Variants in COBL observed in about 807,000 individuals in gnomAD.
COBL encodes cordon-bleu WH2 repeat protein, also known as protein cordon-bleu.
Under a neutral mutation model 98.8 loss-of-function variants are expected in COBL, and 51 were observed. That is an observed-to-expected ratio of 0.52 (90% confidence interval 0.41 to 0.65). The LOEUF (loss-of-function observed/expected upper bound fraction) is 0.65, where lower values mean the gene tolerates loss of function less well. Among genes scored for constraint, COBL ranks in the 30% least tolerant of loss-of-function variants. The pLI, the probability that COBL is intolerant of heterozygous loss-of-function variation, is 0.00. For synonymous variants in COBL, 634 were observed against 651.7 expected, an observed-to-expected ratio of 0.97 and a Z score of 0.41; for missense variants, 1,617 against 1,617.5, an observed-to-expected ratio of 1.00 and a Z score of 0.01.
At position 51,149,302 on chromosome 7, in the gene COBL, T is replaced by C. The variant is rs115983648; in HGVS notation, c.784-12971A>G. ...GGACAGGAACTGGCGTCTGTGGTGC[T>C]TTCCCCACCTGTGGTCAAAGACAGG... On this transcript the variant is annotated intron_variant, in intron 5 of 12. Transcript: ENST00000265136. Among the ~76,000 whole-genome samples the C allele has an allele frequency of 7.9e-3, 1,206 of 152,232 alleles. 14 individuals are homozygous for C. Among genetic ancestry groups the C allele is most frequent in the African/African-American group, 0.028 (1,173 of 41,532 alleles).
At chr7:51,193,067 TCATATAAGAAAGTACAGAATTAAA>T (rs1456676267) in intron 3 of COBL, among the ~76,000 whole-genome samples, 2 of 152,202 alleles carry the variant, frequency 1.3e-5, no homozygotes, top group African/African-American at 4.8e-5. Flanking sequence ...CCAGTGGCTA[TCATATAAGAAAGTACAGAATTAAA>T]GACCATGCCC....
intron 1 of COBL, among the ~76,000 whole-genome samples, chr7:51,230,627 C>T (rs2129103774): frequency 6.6e-6 from 1 of 152,314 alleles, no homozygotes; most frequent in East Asian, 1.9e-4. Context: ...TTCTTGAGTC[C>T]CATTTCCACA....
chr7:51,303,879 G>T (rs1802225544), intron 1 of COBL, among the ~76,000 whole-genome samples: 1 of 152,134 alleles, frequency 6.6e-6, no homozygotes, highest in Non-Finnish European at 1.5e-5. Context: ...TTCTCTGAGT[G>T]GTCTGCAGAG....
At chr7:51,054,243 T>C (rs1023485047) in intron 7 of COBL, among the ~76,000 whole-genome samples, 1 of 152,216 alleles carries the variant, frequency 6.6e-6, no homozygotes, top group African/African-American at 2.4e-5. Flanking sequence ...TCGCTTTTTT[T>C]TTCTTTTCAC....
intron 7 of COBL, among the ~76,000 whole-genome samples, chr7:51,052,572 A>T (rs1790347979): frequency 6.6e-6 from 1 of 152,188 alleles, no homozygotes; most frequent in South Asian, 2.1e-4. Context: ...CTGGTGTCTT[A>T]GTTTTCATTG....
chr7:51,232,488 GC>G (rs1178728096), intron 1 of COBL, among the ~76,000 whole-genome samples: 1 of 152,054 alleles, frequency 6.6e-6, no homozygotes, highest in Non-Finnish European at 1.5e-5. Context: ...TTGAGATTCA[GC>G]CAGCAGGGGG....
At chr7:51,305,511 C>T (rs1180520688) in intron 1 of COBL, among the ~76,000 whole-genome samples, 2 of 152,164 alleles carry the variant, frequency 1.3e-5, no homozygotes, top group African/African-American at 4.8e-5. Context: ...CAACTTGGTG[C>T]ATGTCATTTA....
At chr7:51,030,950 C>T in intron 8 of COBL, 41 bp from the exon 9 acceptor site, 1 of 1,300,628 alleles carries the variant, frequency 7.7e-7, no homozygotes, top group Non-Finnish European at 1.1e-6. Flanking sequence ...ATTTCTCTTA[C>T]TATTGATTTA....
At chr7:51,070,519 C>A (rs1156770029) in intron 7 of COBL, among the ~76,000 whole-genome samples, 2 of 151,984 alleles carry the variant, frequency 1.3e-5, no homozygotes, top group East Asian at 3.9e-4. Flanking sequence ...CTCAAGACAT[C>A]TTGAATACTT....
At chr7:51,190,108 G>C (rs914034329) in intron 4 of COBL, among the ~76,000 whole-genome samples, 1 of 152,216 alleles carries the variant, frequency 6.6e-6, no homozygotes, top group East Asian at 1.9e-4. Flanking sequence ...TAATTGTTCA[G>C]TTTTAGAGAA....
chr7:51,026,642 G>GCCCTC lies in COBL; in HGVS notation c.3403_3407dup (p.Pro1138AlafsTer31). ...CCGTGTAGGACAGTTTCGCTGGCCT[G>GCCCTC]CCCTCCCCGGTGTGTTCTGCCGTCT... is the stretch of plus-strand genomic sequence containing the variant. On this transcript the variant is annotated frameshift_variant, in exon 11 of 13. Transcript: ENST00000265136. LOFTEE classifies it high-confidence loss of function. 1 of 1,614,002 alleles carries GCCCTC rather than the reference G, an allele frequency of 6.2e-7. No individual in the cohort carries two copies. Among genetic ancestry groups the GCCCTC allele is most frequent in the Non-Finnish European group, 8.5e-7 (1 of 1,180,006 alleles).
chr7:51,017,276 C>G lies in COBL; in HGVS notation c.*275G>C. 3.4e-6 allele frequency: 2 copies of G among 584,018 alleles called. No individual in the cohort carries two copies. The highest frequency in any genetic ancestry group is 6.1e-5 in the Admixed American group (2 of 32,624). The allele number at this position is 584,018 out of a possible 1,614,324, so 36.2% of individuals were successfully genotyped here. On this transcript the variant is annotated 3_prime_UTR_variant, in exon 13 of 13. Coordinates refer to ENST00000265136, the MANE Select transcript of COBL (RefSeq NM_015198.5). ...AGTGCTGGGCTCCAGCATTTATAGT[C>G]CCATTAACCTGCCAACAAGAATCGT...
At chr7:51,194,866 GTTT>G (rs542967933) in intron 2 of COBL, among the ~76,000 whole-genome samples, 1 of 149,494 alleles carries the variant, frequency 6.7e-6, no homozygotes, top group Non-Finnish European at 1.5e-5. Context: ...AATGGGTTTT[GTTT>G]TTTTTTCTTG....
chr7:51,301,270 C>T (rs1483903646), intron 1 of COBL, among the ~76,000 whole-genome samples: 1 of 152,168 alleles, frequency 6.6e-6, no homozygotes, highest in Non-Finnish European at 1.5e-5. Context: ...GCAGGCAGCA[C>T]CCTCAGCACT....
At chr7:51,187,367 T>A in intron 4 of COBL, among the ~76,000 whole-genome samples, 1 of 151,612 alleles carries the variant, frequency 6.6e-6, no homozygotes, top group East Asian at 1.9e-4. Context: ...TATATCTATA[T>A]CTGCCTATAT....
intron 1 of COBL, chr7:51,316,255 TG>T: frequency 4.7e-6 from 1 of 213,602 alleles, no homozygotes; most frequent in Non-Finnish European, 9.2e-6. Context: ...GGCAAACACT[TG>T]GGGGGCCTGA....
At chr7:51,149,189 C>T (rs993414607) in intron 5 of COBL, among the ~76,000 whole-genome samples, 1 of 152,178 alleles carries the variant, frequency 6.6e-6, no homozygotes, top group African/African-American at 2.4e-5. Flanking sequence ...TGTCACTTCT[C>T]ATGAACAGAG....
chr7:51,265,950 T>C (rs1377876636), intron 1 of COBL, among the ~76,000 whole-genome samples: 1 of 152,194 alleles, frequency 6.6e-6, no homozygotes, highest in Non-Finnish European at 1.5e-5. Flanking sequence ...ATCCAGTGAA[T>C]TGGCGTTTCC....
intron 9 of COBL, among the ~76,000 whole-genome samples, chr7:51,030,200 T>C (rs145596680): frequency 3.3e-5 from 5 of 152,366 alleles, no homozygotes; most frequent in African/African-American, 1.2e-4. Flanking sequence ...AGTTTTGCAG[T>C]CTGTTATCTT....
Sources: allele counts gnomAD v4.1 joint callset (sites outside exome capture counted in the v4.1 genomes callset), GRCh38; gene constraint gnomAD v4.1.1; transcripts MANE v1.5; gene names NCBI Gene and HGNC (gene_info 2026-07-23, HGNC 2026-07-21).